SERPINE3: variants seen among roughly 807,000 people sequenced by gnomAD.
SERPINE3 encodes the protein serpin family E member 3.
In SERPINE3, 43 loss-of-function variants were observed where a neutral mutation model predicts 41.7. The observed-to-expected ratio is 1.03, with a 90% CI of 0.81 to 1.33. The LOEUF is 1.33. SERPINE3 is among the 40% of genes most tolerant of loss of function. SERPINE3 has a pLI of 0.00. For synonymous variants in SERPINE3, 200 were observed against 192.2 expected, an observed-to-expected ratio of 1.04 and a Z score of -0.34; for missense variants, 440 against 491.7, an observed-to-expected ratio of 0.89 and a Z score of 0.99.
chr13:51,347,096 C>T lies in SERPINE3; in HGVS notation c.562C>T (p.Leu188Phe). Reference sequence around the variant, plus strand: ...CAGTGCAGCATTTGCTCAGCTTGTGCTTGTGAGCACCATGTCCTTCCAAGG... The same window carrying T: ...CAGTGCAGCATTTGCTCAGCTTGTGTTTGTGAGCACCATGTCCTTCCAAGG... ...QVSAAFAQLVLVSTMSFQGTW... is the reference protein window; with the variant it reads ...QVSAAFAQLVFVSTMSFQGTW... Residue 188 changes from leucine (L) to phenylalanine (F), a missense_variant, in exon 5 of 10, where the codon CTT becomes TTT. Transcript: ENST00000681248. 6.2e-7 allele frequency: 1 copy of T among 1,609,648 alleles called. No homozygotes were observed. The highest frequency in any genetic ancestry group is 8.5e-7 in the Non-Finnish European group (1 of 1,178,048).
At chr13:51,352,654 G>A (rs1356990410) in intron 6 of SERPINE3, among the ~76,000 whole-genome samples, 2 of 151,942 alleles carry the variant, frequency 1.3e-5, no homozygotes. Flanking sequence ...GGACATTCTT[G>A]TCTTGTTCCT....
Position 51,341,229 on chromosome 13 carries a change from T to C in SERPINE3, c.138T>C (p.Asn46=), listed in dbSNP as rs1955286861. Residue 46 remains asparagine, a synonymous_variant, in exon 3 of 10, where the codon AAT becomes AAC. Coordinates refer to ENST00000681248, the MANE Select transcript of SERPINE3 (RefSeq NM_001386375.1). ...HLYQSVAACR[N]ETNFVISPAG... ...ACCAGAGTGTGGCCGCGTGTAGAAA[T>C]GAGACGAACTTTGTCATCTCTCCTG... The C allele has an allele frequency of 3.1e-6, 5 of 1,614,044 alleles. No individual in the cohort carries two copies. The highest frequency in any genetic ancestry group is 4.2e-6 in the Non-Finnish European group (5 of 1,179,890).
chr13:51,350,228 T>G (rs745649673), intron 6 of SERPINE3, among the ~76,000 whole-genome samples: 17 of 152,172 alleles, frequency 1.1e-4, no homozygotes, highest in Non-Finnish European at 2.2e-4. Flanking sequence ...AGTGCACTAG[T>G]AGATTCTGGA....
At chr13:51,353,740 T>C (rs185225456) in intron 6 of SERPINE3, among the ~76,000 whole-genome samples, 2 of 152,334 alleles carry the variant, frequency 1.3e-5, no homozygotes, top group East Asian at 3.9e-4. Context: ...TATGATACTT[T>C]TGTTTAAAGT....
chr13:51,357,458 AC>A (rs1188030428), intron 7 of SERPINE3, among the ~76,000 whole-genome samples: 3 of 152,158 alleles, frequency 2.0e-5, no homozygotes, highest in Admixed American at 1.3e-4. Context: ...ACGAGGGATT[AC>A]CAAGCAGTTT....
intron 5 of SERPINE3, among the ~76,000 whole-genome samples, chr13:51,347,833 G>A (rs1426957766): frequency 6.6e-6 from 1 of 151,948 alleles, no homozygotes; most frequent in African/African-American, 2.4e-5. Context: ...TCATCAGATC[G>A]AGAAAACATA....
intron 6 of SERPINE3, chr13:51,353,980 T>A (rs1308596895): frequency 6.6e-6 from 1 of 152,208 alleles, no homozygotes; most frequent in African/African-American, 2.4e-5. Context: ...ATTGGTGTAG[T>A]GATTCTTTGT....
rs574890660 is a variant in SERPINE3, at chr13:51,351,496, T to TA, written c.899+3086dup. ...CCCATATTTAAATTGGTTGTCTTTT[T>TA]ATTATTGAGTTGTAATAGTTCTTTA... On this transcript the variant is annotated intron_variant, in intron 6 of 9. Transcript: ENST00000681248. Among the ~76,000 whole-genome samples, 13 of 152,266 alleles carry TA rather than the reference T, an allele frequency of 8.5e-5. No individual in the cohort carries two copies. In the South Asian group the frequency reaches 2.7e-3, roughly 32 times the overall value.
chr13:51,361,464 C>G, intron 8 of SERPINE3, 100 bp downstream of exon 8: 1 of 789,500 alleles, frequency 1.3e-6, no homozygotes, highest in Non-Finnish European at 2.1e-6. Flanking sequence ...CCATAACCCC[C>G]AAGTTCAGGT....
rs1254829802 is a variant in SERPINE3 at position 51,355,005 on chromosome 13, A to C, written c.900-38A>C. 4.8e-6 allele frequency: 5 copies of C among 1,046,686 alleles called. No individual in the cohort carries two copies. The Admixed American group carries it at 1.0e-4, about 21-fold the overall frequency. The allele number at this position is 1,046,686 out of a possible 1,614,324, so 64.8% of individuals were successfully genotyped here. ...GGTGTGTATGAAAGTATATTGAGTG[A>C]GAATTTTGAAAGTTGATGGTTTGTT... On this transcript the variant is annotated intron_variant, in intron 6 of 9. Transcript: ENST00000681248.
At position 51,355,085 on chromosome 13, in the gene SERPINE3, T is replaced by C; in HGVS notation, c.942T>C (p.Asn314=). The part of the protein sequence containing the change: ...QNQFNLKSIL[N]SWGVTDLFDP... The stretch of plus-strand genomic sequence containing the variant: ...AATTCAACTTAAAAAGCATTTTAAA[T>C]TCTTGGGGAGTCACCGATCTTTTTG... The change falls in exon 7 of 10, where the codon AAT becomes AAC. Residue 314 remains asparagine, a synonymous_variant. Coordinates refer to ENST00000681248, the MANE Select transcript of SERPINE3 (RefSeq NM_001386375.1). The C allele has an allele frequency of 6.4e-7, 1 of 1,551,808 alleles. No homozygotes were observed. Among genetic ancestry groups the C allele is most frequent in the Non-Finnish European group, 8.7e-7 (1 of 1,144,954 alleles).
intron 7 of SERPINE3, among the ~76,000 whole-genome samples, chr13:51,360,369 C>T (rs1955553820): frequency 6.6e-6 from 1 of 152,026 alleles, no homozygotes; most frequent in South Asian, 2.1e-4. Context: ...ATATTCTCAA[C>T]TCTGCTTTTC....
intron 4 of SERPINE3, among the ~76,000 whole-genome samples, chr13:51,344,721 C>T (rs1021239976): frequency 5.3e-5 from 8 of 152,146 alleles, no homozygotes; most frequent in East Asian, 1.9e-4. Context: ...CACACACACA[C>T]GAGCCACAAG....
chr13:51,344,193 T>C (rs1242916171), intron 3 of SERPINE3, 59 bp from the exon 4 acceptor site: 33 of 1,242,954 alleles, frequency 2.7e-5, no homozygotes, highest in Non-Finnish European at 3.7e-5. Flanking sequence ...TGCTGGAGGT[T>C]GTGCTAACTC....
intron 7 of SERPINE3, among the ~76,000 whole-genome samples, chr13:51,359,278 C>A (rs1277867926): frequency 6.6e-6 from 1 of 152,040 alleles, no homozygotes; most frequent in Non-Finnish European, 1.5e-5. Context: ...TAATAGGAAT[C>A]TGTAATACAA....
chr13:51,344,901 A>T (rs1955331019), intron 4 of SERPINE3, among the ~76,000 whole-genome samples: 1 of 152,222 alleles, frequency 6.6e-6, no homozygotes, highest in Non-Finnish European at 1.5e-5. Flanking sequence ...CTGGGAATTT[A>T]GGTTAAGGAA....
chr13:51,344,628 G>T (rs896916632), intron 4 of SERPINE3, 143 bp downstream of exon 4: 9 of 669,462 alleles, frequency 1.3e-5, no homozygotes, highest in Middle Eastern at 3.6e-4. Context: ...TCCTACCCTT[G>T]AATGACAAGG....
intron 3 of SERPINE3, 33 bp from the exon 4 acceptor site, chr13:51,344,219 C>A: frequency 6.5e-7 from 1 of 1,537,266 alleles, no homozygotes; most frequent in South Asian, 1.1e-5. Flanking sequence ...TCACACTCAC[C>A]ATTGTCAACT....
At chr13:51,354,824 G>A (rs1955454881) in intron 6 of SERPINE3, among the ~76,000 whole-genome samples, 2 of 152,144 alleles carry the variant, frequency 1.3e-5, no homozygotes, top group South Asian at 2.1e-4. Flanking sequence ...TCAATGGGAA[G>A]ACTTAGAATG....
Sources: allele counts gnomAD v4.1 joint callset (sites outside exome capture counted in the v4.1 genomes callset), GRCh38; gene constraint gnomAD v4.1.1; transcripts MANE v1.5; gene names NCBI Gene and HGNC (gene_info 2026-07-23, HGNC 2026-07-21).